Variants in TRIM21 observed in about 807,000 individuals in gnomAD.
The protein encoded by TRIM21 is E3 ubiquitin-protein ligase TRIM21.
A neutral mutation model predicts 36.1 loss-of-function variants in TRIM21; 35 were observed. The observed-to-expected ratio is 0.97, with a 90% CI of 0.74 to 1.28. The LOEUF is 1.28. Ranked by LOEUF, TRIM21 falls within the 50% of genes most tolerant of loss-of-function variation. The pLI, the probability that TRIM21 is intolerant of heterozygous loss-of-function variation, is 0.00. For synonymous variants in TRIM21, 256 were observed against 211.5 expected (o/e 1.21, Z -1.83); for missense variants, 635 against 570.7 (o/e 1.11, Z -1.15).
chr11:4,388,315 T>G lies in TRIM21; in HGVS notation c.720A>C (p.Ala240=), dbSNP rs1012280508. 6.2e-7 allele frequency: 1 copy of G among 1,613,548 alleles called. No homozygotes were observed. Among genetic ancestry groups the G allele is most frequent in the Non-Finnish European group, 8.5e-7 (1 of 1,179,524 alleles). ...CCTGTCTCACCTGCAGCAGTTCCAG[T>G]GCTGAGCTGTGGCACCTTCGATCTA... ...SELDRRCHSS[A]LELLQEVIIV... The change falls in exon 4 of 7, where the codon GCA becomes GCC. Residue 240 remains alanine (A), a synonymous_variant. Transcript: ENST00000254436.
In TRIM21 at chr11:4,386,258, CTGG is replaced by C; in HGVS notation, c.759-4_759-2del. 6.2e-7 allele frequency: 1 copy of C among 1,613,420 alleles called. No individual in the cohort carries two copies. Among genetic ancestry groups the C allele is most frequent in the Non-Finnish European group, 8.5e-7 (1 of 1,179,456 alleles). ...GTCCTTCAGGTTCCAGGACTCACTC[CTGG>C]GGGAAAGAGAGTTTGAGACTCCTGT... On this transcript the variant is annotated splice_acceptor_variant and splice_polypyrimidine_tract_variant and intron_variant, in intron 5 of 6. Transcript: ENST00000254436. LOFTEE classifies it high-confidence loss of function.
Position 4,392,645 on chromosome 11 carries a change from C to T in TRIM21, c.-50+988G>A, listed in dbSNP as rs116118100. 3.3e-3 allele frequency among the ~76,000 whole-genome samples: 508 copies of T among 152,002 alleles called. 2 individuals are homozygous for T. The highest frequency in any genetic ancestry group is 0.011 in the African/African-American group (472 of 41,464). On this transcript the variant is annotated intron_variant, in intron 1 of 6. Coordinates refer to ENST00000254436, the MANE Select transcript of TRIM21 (RefSeq NM_003141.4). ...TCAAAAACAGTAATTACTTTTGCAC[C>T]GATCAAACAGTTTGTTGAATAAGTT...
chr11:4,386,136 C>T, intron 6 of TRIM21, 21 bp downstream of exon 6: 1 of 1,611,500 alleles, frequency 6.2e-7, no homozygotes, highest in Non-Finnish European at 8.5e-7. Context: ...TTATCCCCCG[C>T]AAAACTAGAA....
At position 4,385,119 on chromosome 11, in the gene TRIM21, G is replaced by C; in HGVS notation, c.*166C>G. The C allele has an allele frequency of 1.6e-6, 1 of 632,332 alleles. No homozygotes were observed. Among genetic ancestry groups the C allele is most frequent in the African/African-American group, 1.8e-5 (1 of 54,466 alleles). 39.2% of individuals were successfully genotyped at this position (632,332 alleles called of 1,614,324 possible). On this transcript the variant is annotated 3_prime_UTR_variant, in exon 7 of 7. Coordinates refer to ENST00000254436, the MANE Select transcript of TRIM21 (RefSeq NM_003141.4). ...TGGAGGGAATCACAAAGCCATCTGG[G>C]GCAGGAATGTTGATGGTGAAGTGAC... is the stretch of plus-strand genomic sequence containing the variant.
In TRIM21 at chr11:4,386,186, C is replaced by T. The variant is rs1240085813; in HGVS notation, c.830G>A (p.Gly277Glu). Residue 277 changes from glycine (G) to glutamate (E), a missense_variant, in exon 6 of 7, where the codon GGG becomes GAG. By Grantham distance (98) the Gly-to-Glu change is moderately conservative. Coordinates refer to ENST00000254436, the MANE Select transcript of TRIM21 (RefSeq NM_003141.4). ...PELRSVCHVP[G>E]LKKMLRTCAV... The stretch of plus-strand genomic sequence containing the variant: ...ACATGTCCTCAGCATCTTCTTCAGC[C>T]CTGGCACATGGCACACACTCCTGAG... The T allele has an allele frequency of 6.2e-7, 1 of 1,613,644 alleles. No individual in the cohort carries two copies. The highest frequency in any genetic ancestry group is 2.2e-5 in the East Asian group (1 of 44,876).
intron 4 of TRIM21, 28 bp downstream of exon 4, chr11:4,388,272 T>G: frequency 6.3e-7 from 1 of 1,576,900 alleles, no homozygotes; most frequent in Non-Finnish European, 8.7e-7. Context: ...TTCCCTGAAT[T>G]GTAGAAGGAA....
rs1031495874 is a variant in TRIM21, at chr11:4,390,349, C to T, written c.61G>A (p.Asp21Asn). Residue 21 changes from aspartate (D) to asparagine (N), a missense_variant, in exon 2 of 7, where the codon GAC (aspartate) becomes AAC (asparagine). Asp to Asn is a conservative substitution (Grantham distance 23, BLOSUM62 1). Coordinates refer to ENST00000254436, the MANE Select transcript of TRIM21 (RefSeq NM_003141.4). ...ATGCTCACAGGCTCCACGAAGGGGT[C>T]CAGGCAGATAGGGCATGTGACCTCC... is the stretch of plus-strand genomic sequence containing the variant. ...WEEVTCPICL[D>N]PFVEPVSIEC... 1 of 1,613,880 alleles carries T rather than the reference C, an allele frequency of 6.2e-7. No homozygotes were observed. Among genetic ancestry groups the T allele is most frequent in the African/African-American group, 1.3e-5 (1 of 75,030 alleles).
chr11:4,386,308 C>G lies in TRIM21; in HGVS notation c.759-51G>C, dbSNP rs760943007. 1.4e-5 allele frequency: 20 copies of G among 1,436,584 alleles called. No homozygotes were observed. In the Admixed American group the frequency reaches 3.5e-4, roughly 25 times the overall value. 89.0% of individuals were successfully genotyped at this position (1,436,584 alleles called of 1,614,324 possible). A position where few individuals can be genotyped will look rare whatever the true frequency, so the allele number is the denominator to read the frequency against. Reference sequence around the variant, plus strand: ...CTGTCTCCTACTCCTATCCCAAACCCTAACACTATAACCTCCATTGTGGAG... The same window carrying G: ...CTGTCTCCTACTCCTATCCCAAACCGTAACACTATAACCTCCATTGTGGAG... On this transcript the variant is annotated intron_variant, in intron 5 of 6. Coordinates refer to ENST00000254436, the MANE Select transcript of TRIM21 (RefSeq NM_003141.4).
chr11:4,393,318 G>A (rs574904759), intron 1 of TRIM21, among the ~76,000 whole-genome samples: 1 of 152,086 alleles, frequency 6.6e-6, no homozygotes, highest in East Asian at 1.9e-4. Context: ...GCCAGCATGG[G>A]GGCAGCCGGG....
At chr11:4,387,414 G>A (rs1283086967) in intron 4 of TRIM21, among the ~76,000 whole-genome samples, 7 of 152,146 alleles carry the variant, frequency 4.6e-5, no homozygotes, top group Non-Finnish European at 7.3e-5. Context: ...GGGAAGGAAA[G>A]GTTGGTTAGT....
chr11:4,390,017 A>G lies in TRIM21; in HGVS notation c.393T>C (p.Ala131=), dbSNP rs374900781. ...TAGGCCTCACCTGGTACTCCTGTGC[A>G]GCCTCCTCAAGAGGGACCATGGCGT... ...RDHAMVPLEE[A]AQEYQEKLQV... The change falls in exon 2 of 7, where the codon GCT becomes GCC. Residue 131 remains alanine (A), a synonymous_variant. Coordinates refer to ENST00000254436, the MANE Select transcript of TRIM21 (RefSeq NM_003141.4). 23 of 1,613,776 alleles carry G rather than the reference A, an allele frequency of 1.4e-5. No individual in the cohort carries two copies. Among genetic ancestry groups the G allele is most frequent in the Non-Finnish European group, 1.9e-5 (23 of 1,179,852 alleles).
At chr11:4,386,668 C>T (rs748509542) in intron 5 of TRIM21, among the ~76,000 whole-genome samples, 2 of 152,142 alleles carry the variant, frequency 1.3e-5, no homozygotes, top group Non-Finnish European at 2.9e-5. Context: ...GGAGTCCCAG[C>T]AGGCCATGTC....
chr11:4,388,677 G>A (rs778341774), intron 3 of TRIM21, 147 bp from the exon 4 acceptor site: 219 of 661,466 alleles, frequency 3.3e-4, no homozygotes, highest in African/African-American at 5.3e-4. Context: ...GCACACGCGC[G>A]CACACACACA....
chr11:4,391,470 G>C (rs1012417412), intron 1 of TRIM21, among the ~76,000 whole-genome samples: 3 of 152,212 alleles, frequency 2.0e-5, no homozygotes, highest in African/African-American at 7.2e-5. Context: ...CTCATATGCT[G>C]TTGGTGGGAA....
chr11:4,386,933 T>C, intron 5 of TRIM21, 35 bp downstream of exon 5: 1 of 1,572,886 alleles, frequency 6.4e-7, no homozygotes, highest in Admixed American at 1.8e-5. Flanking sequence ...TGCTTTCTGC[T>C]GGCCCCTCTT....
At position 4,385,066 on chromosome 11, in the gene TRIM21, T is replaced by G; in HGVS notation, c.*219A>C. The G allele has an allele frequency of 1.9e-6, 1 of 525,350 alleles. No homozygotes were observed. Among genetic ancestry groups the G allele is most frequent in the Non-Finnish European group, 3.3e-6 (1 of 300,316 alleles). The allele number at this position is 525,350 out of a possible 1,614,324, so 32.5% of individuals were successfully genotyped here. On this transcript the variant is annotated 3_prime_UTR_variant, in exon 7 of 7. Coordinates refer to ENST00000254436, the MANE Select transcript of TRIM21 (RefSeq NM_003141.4). ...TGTTTTTGGTTGATCAAGATGAGTT[T>G]GGGCCAAATATAAGGAGGCTGCTTC...
intron 4 of TRIM21, 62 bp from the exon 5 acceptor site, chr11:4,387,052 C>G (rs985306742): frequency 9.2e-6 from 14 of 1,526,694 alleles, no homozygotes; most frequent in Non-Finnish European, 1.1e-5. Flanking sequence ...AGACATCAGC[C>G]CTGTGGGTGA....
chr11:4,388,079 ATGAT>A (rs2094958421), intron 4 of TRIM21, among the ~76,000 whole-genome samples: 1 of 152,238 alleles, frequency 6.6e-6, no homozygotes, highest in Non-Finnish European at 1.5e-5. Context: ...TGGATGCAAG[ATGAT>A]TCTAAGTGCA....
chr11:4,389,823 C>G, intron 2 of TRIM21, 74 bp from the exon 3 acceptor site: 7 of 1,509,594 alleles, frequency 4.6e-6, no homozygotes, highest in Non-Finnish European at 6.4e-6. Flanking sequence ...GCAGCATTTT[C>G]TCATGCATAT....
Sources: gnomAD v4.1 joint callset for allele counts (sites outside exome capture counted in the v4.1 genomes callset) on GRCh38, gnomAD v4.1.1 for gene constraint, MANE v1.5 for transcripts, NCBI Gene and HGNC (gene_info 2026-07-23, HGNC 2026-07-21) for gene names.